Variants in FOXP2 observed in about 807,000 individuals in gnomAD.
FOXP2 encodes forkhead box protein P2.
In FOXP2, 12 loss-of-function variants were observed where a neutral mutation model predicts 115.8. That is an observed-to-expected ratio of 0.10 (90% CI 0.07 to 0.17). The LOEUF is 0.17. FOXP2 is among the 10% of genes least tolerant of loss of function. The pLI, the probability that FOXP2 is intolerant of heterozygous loss-of-function variation, is 1.00. For missense variants in FOXP2, 629 were observed against 843.5 expected (o/e 0.75, Z 3.15); for synonymous variants, 328 against 297.7 (o/e 1.10, Z -1.05).
At chr7:114,409,154 T>A (rs900865524) in intron 2 of FOXP2, among the ~76,000 whole-genome samples, 32 of 152,170 alleles carry the variant, frequency 2.1e-4, no homozygotes, top group African/African-American at 7.5e-4. Flanking sequence ...TTTAGTCTTT[T>A]TGGCAAATAA....
intron 1 of FOXP2, among the ~76,000 whole-genome samples, chr7:114,282,175 G>A (rs1255795713): frequency 6.6e-6 from 1 of 152,136 alleles, no homozygotes; most frequent in Non-Finnish European, 1.5e-5. Flanking sequence ...GCTATAATTA[G>A]TATTTATGTA....
chr7:114,686,811 T>C (rs548457157), intron 16 of FOXP2, among the ~76,000 whole-genome samples: 1 of 152,034 alleles, frequency 6.6e-6, no homozygotes, highest in African/African-American at 2.4e-5. Flanking sequence ...TAATTATTTT[T>C]AAATTATGAT....
At chr7:114,654,994 C>T (rs1300600463) in intron 10 of FOXP2, among the ~76,000 whole-genome samples, 3 of 152,066 alleles carry the variant, frequency 2.0e-5, no homozygotes, top group African/African-American at 7.2e-5. Context: ...TAAGCTATTT[C>T]TGCTTTTCCT....
chr7:114,667,704 T>C (rs1396131774), intron 16 of FOXP2: 2 of 152,146 alleles, frequency 1.3e-5, no homozygotes, highest in East Asian at 1.9e-4. Context: ...TATCAAGCTA[T>C]GGTGTTTGTT....
chr7:114,648,639 T>G (rs545588045), intron 8 of FOXP2, among the ~76,000 whole-genome samples: 1 of 152,224 alleles, frequency 6.6e-6, no homozygotes, highest in South Asian at 2.1e-4. Context: ...CTTTCCTACT[T>G]TTTGTCTTCC....
At chr7:114,309,671 A>G (rs1381145339) in intron 2 of FOXP2, among the ~76,000 whole-genome samples, 1 of 151,586 alleles carries the variant, frequency 6.6e-6, no homozygotes, top group African/African-American at 2.4e-5. Context: ...GGAGATACAT[A>G]TTTTTTTTCT....
chr7:114,327,801 C>CTTTTGTTTTGTTTTG (rs3997271), intron 2 of FOXP2, among the ~76,000 whole-genome samples: 3 of 150,002 alleles, frequency 2.0e-5, no homozygotes, highest in Admixed American at 6.6e-5. Flanking sequence ...CGCCTGGCCT[C>CTTTTGTTTTGTTTTG]TTTTGTTTTG....
At chr7:114,477,079 T>C (rs1796307658) in intron 2 of FOXP2, among the ~76,000 whole-genome samples, 1 of 152,008 alleles carries the variant, frequency 6.6e-6, no homozygotes. Flanking sequence ...CCATCCACTA[T>C]GGAAATAAGC....
At chr7:114,373,319 C>T (rs1157020005) in intron 2 of FOXP2, among the ~76,000 whole-genome samples, 1 of 152,010 alleles carries the variant, frequency 6.6e-6, no homozygotes, top group East Asian at 1.9e-4. Flanking sequence ...CGCGCCCAGC[C>T]GAATCAAACT....
intron 2 of FOXP2, among the ~76,000 whole-genome samples, chr7:114,517,570 T>C (rs1798408294): frequency 6.6e-6 from 1 of 152,200 alleles, no homozygotes. Flanking sequence ...CTGTACCATT[T>C]ATGAAGACAT....
chr7:114,348,935 A>C (rs528612812), intron 2 of FOXP2, among the ~76,000 whole-genome samples: 1 of 152,190 alleles, frequency 6.6e-6, no homozygotes, highest in East Asian at 1.9e-4. Context: ...AAATGGGCCA[A>C]ATGGGCTCAT....
At chr7:114,340,589 G>C (rs933609473) in intron 2 of FOXP2, among the ~76,000 whole-genome samples, 1 of 151,020 alleles carries the variant, frequency 6.6e-6, no homozygotes, top group Non-Finnish European at 1.5e-5. Flanking sequence ...TTTGCAAAGT[G>C]CCTCACCTAA....
intron 2 of FOXP2, among the ~76,000 whole-genome samples, chr7:114,497,484 C>T (rs971011790): frequency 5.3e-5 from 8 of 152,032 alleles, no homozygotes; most frequent in African/African-American, 1.7e-4. Flanking sequence ...CCCATTTCTA[C>T]TAAAAATACA....
At chr7:114,178,662 G>A (rs1032647091) in intron 1 of FOXP2, among the ~76,000 whole-genome samples, 3 of 151,908 alleles carry the variant, frequency 2.0e-5, no homozygotes, top group African/African-American at 7.2e-5. Flanking sequence ...TTTAATCTAG[G>A]TTCTCAAATT....
chr7:114,642,721 C>T (rs983878734), intron 7 of FOXP2, 98 bp downstream of exon 7: 2 of 892,580 alleles, frequency 2.2e-6, no homozygotes, highest in Middle Eastern at 2.7e-4. Context: ...GGAGCAAGGA[C>T]AAAATGTATA....
Position 114,465,165 on chromosome 7 carries a change from G to C in FOXP2, c.168+38486G>C, listed in dbSNP as rs144580876. Reference sequence around the variant, plus strand: ...TTTTAAATAGAGATGAGGTGTCGCCGTGTTGCCAAGACTGTTCTCAAACTC... The same window carrying C: ...TTTTAAATAGAGATGAGGTGTCGCCCTGTTGCCAAGACTGTTCTCAAACTC... On this transcript the variant is annotated intron_variant, in intron 2 of 16. Transcript: ENST00000350908. 4.7e-3 allele frequency among the ~76,000 whole-genome samples: 721 copies of C among 152,186 alleles called. 11 individuals are homozygous for C. The highest frequency in any genetic ancestry group is 0.016 in the African/African-American group (676 of 41,520).
intron 1 of FOXP2, among the ~76,000 whole-genome samples, chr7:114,245,175 T>A (rs539525485): frequency 5.3e-5 from 8 of 152,338 alleles, no homozygotes; most frequent in African/African-American, 1.9e-4. Context: ...AGTTTAAGAT[T>A]TCTTGCCTTT....
intron 2 of FOXP2, among the ~76,000 whole-genome samples, chr7:114,443,773 T>C (rs1794711737): frequency 6.6e-6 from 1 of 152,206 alleles, no homozygotes; most frequent in Admixed American, 6.6e-5. Context: ...TAAGGCTGCA[T>C]AGTATGCCAT....
At chr7:114,433,267 T>C (rs911108561) in intron 2 of FOXP2, among the ~76,000 whole-genome samples, 16 of 152,008 alleles carry the variant, frequency 1.1e-4, no homozygotes, top group South Asian at 2.1e-4. Flanking sequence ...GACTGAAATG[T>C]TTACATTGTT....
Sources: allele counts gnomAD v4.1 joint callset (sites outside exome capture counted in the v4.1 genomes callset), GRCh38; gene constraint gnomAD v4.1.1; transcripts MANE v1.5; gene names NCBI Gene and HGNC (gene_info 2026-07-23, HGNC 2026-07-21).